Variants in KIR2DL3 observed in about 807,000 individuals in gnomAD.
The protein encoded by KIR2DL3 is killer cell immunoglobulin like receptor, two Ig domains and long cytoplasmic tail 3, also known as killer cell immunoglobulin-like receptor 2DL3.
A neutral mutation model predicts 33.8 loss-of-function variants in KIR2DL3; 39 were observed. The ratio of observed to expected loss-of-function variants is 1.15; its 90% CI spans 0.89 to 1.51. The LOEUF is 1.51. Among genes scored for constraint, KIR2DL3 ranks in the 40% most tolerant of loss-of-function variants. KIR2DL3 has a pLI of 0.00. For missense variants in KIR2DL3, 462 were observed against 426.2 expected, an observed-to-expected ratio of 1.08 and a Z score of -0.74; for synonymous variants, 174 against 160.2, an observed-to-expected ratio of 1.09 and a Z score of -0.65.
chr19:54,743,996 C>T lies in KIR2DL3; in HGVS notation c.572C>T (p.Thr191Ile). 6.2e-7 allele frequency: 1 copy of T among 1,614,220 alleles called. No individual in the cohort carries two copies. ...FQADFPLGPA[T>I]HGGTYRCFGS... ...GCCGACTTTCCTCTGGGCCCTGCCA[C>T]CCACGGAGGAACCTACAGATGCTTC... is the stretch of plus-strand genomic sequence containing the variant. The change falls in exon 4 of 8, where the codon ACC (threonine) becomes ATC (isoleucine). Residue 191 changes from threonine to isoleucine, a missense_variant. By Grantham distance (89) the Thr-to-Ile change is moderately conservative. Coordinates refer to ENST00000342376, the MANE Select transcript of KIR2DL3 (RefSeq NM_015868.3).
intron 4 of KIR2DL3, among the ~76,000 whole-genome samples, chr19:54,746,969 G>A (rs186442756): frequency 0.013 from 1,690 of 127,234 alleles, 48 homozygotes; most frequent in African/African-American, 0.037. Context: ...GTGACAGAGC[G>A]AGACTCCATC....
intron 2 of KIR2DL3, 114 bp from the exon 3 acceptor site, chr19:54,741,866 A>C (rs1280176834): frequency 7.8e-7 from 1 of 1,288,828 alleles, no homozygotes; most frequent in African/African-American, 1.5e-5. Context: ...ACATGAAGAC[A>C]CAGAGAGGAA....
rs755350925 is a variant in KIR2DL3, at chr19:54,752,269, G to T, written c.873+1G>T. ...AGGGAACAGAACAGTGAACAGGGAG[G>T]TAGGTGCTCCTCGGCCCAGCCTCGT... On this transcript the variant is annotated splice_donor_variant, in intron 7 of 7. Transcript: ENST00000342376. LOFTEE classifies it high-confidence loss of function. 1 of 1,485,372 alleles carries T rather than the reference G, an allele frequency of 6.7e-7. No homozygotes were observed. Among genetic ancestry groups the T allele is most frequent in the South Asian group, 1.2e-5 (1 of 81,326 alleles). 92.0% of individuals were successfully genotyped at this position (1,485,372 alleles called of 1,614,324 possible). A position where few individuals can be genotyped will look rare whatever the true frequency, so the allele number is the denominator to read the frequency against.
At chr19:54,749,330 G>C (rs2073078694) in intron 5 of KIR2DL3, among the ~76,000 whole-genome samples, 1 of 146,320 alleles carries the variant, frequency 6.8e-6, no homozygotes, top group Admixed American at 7.0e-5. Flanking sequence ...TTGCATAACT[G>C]GAATCTAGGA....
chr19:54,741,860 GAA>G, intron 2 of KIR2DL3, 118 bp from the exon 3 acceptor site: 1 of 1,279,246 alleles, frequency 7.8e-7, no homozygotes, highest in South Asian at 1.4e-5. Flanking sequence ...AAAAGAACAT[GAA>G]GACACAGAGA....
At chr19:54,746,194 C>G (rs1555909712) in intron 4 of KIR2DL3, among the ~76,000 whole-genome samples, 3,379 of 103,770 alleles carry the variant, frequency 0.033, 213 homozygotes, top group African/African-American at 0.063. Context: ...AAACTGAGCA[C>G]TTTTTAGTAT....
At chr19:54,749,579 G>A (rs1399612449) in intron 5 of KIR2DL3, among the ~76,000 whole-genome samples, 3 of 94,340 alleles carry the variant, frequency 3.2e-5, no homozygotes, top group Admixed American at 1.1e-4. Flanking sequence ...ATGAGTGGTG[G>A]TGGAAATGAA....
intron 4 of KIR2DL3, among the ~76,000 whole-genome samples, chr19:54,745,811 T>C (rs623801): frequency 0.15 from 16,964 of 116,174 alleles, 1,159 homozygotes; most frequent in South Asian, 0.19. Flanking sequence ...AGCCATTTTA[T>C]TTTATTTCAT....
chr19:54,751,484 G>A (rs1175949591), intron 5 of KIR2DL3, among the ~76,000 whole-genome samples, 165 bp from the exon 6 acceptor site: 1 of 132,690 alleles, frequency 7.5e-6, no homozygotes, highest in Non-Finnish European at 1.7e-5. Context: ...TGGTTACTAT[G>A]AGAGCTATAA....
At chr19:54,741,643 G>A (rs544971007) in intron 2 of KIR2DL3, among the ~76,000 whole-genome samples, 1 of 151,862 alleles carries the variant, frequency 6.6e-6, no homozygotes, top group East Asian at 1.9e-4. Flanking sequence ...GAACCAGGCT[G>A]ATAAGAGCCT....
intron 4 of KIR2DL3, among the ~76,000 whole-genome samples, chr19:54,744,969 T>C (rs933326097): frequency 1.0e-5 from 1 of 96,406 alleles, no homozygotes; most frequent in African/African-American, 3.8e-5. Context: ...TTTTTTTTTT[T>C]TTTTTTTTAC....
At chr19:54,741,657 T>C (rs1158596684) in intron 2 of KIR2DL3, among the ~76,000 whole-genome samples, 4 of 152,010 alleles carry the variant, frequency 2.6e-5, no homozygotes, top group Admixed American at 6.6e-5. Context: ...AGAGCCTGGA[T>C]GTGCAGCCTA....
rs1318269973 is a variant in KIR2DL3 at position 54,742,197 on chromosome 19, G to A, written c.288G>A (p.Gly96=). The A allele has an allele frequency of 8.1e-6, 13 of 1,613,968 alleles. No individual in the cohort carries two copies. The highest frequency in any genetic ancestry group is 1.6e-4 in the Middle Eastern group (1 of 6,082). ...GTCCCATGATGCAAGACCTTGCAGG[G>A]ACCTACAGATGCTACGGTTCTGTTA... ...SIGPMMQDLA[G]TYRCYGSVTH... The change falls in exon 3 of 8, where the codon GGG becomes GGA. Residue 96 remains glycine (G), a synonymous_variant. Transcript: ENST00000342376.
chr19:54,742,751 A>G (rs2147047814), intron 3 of KIR2DL3, among the ~76,000 whole-genome samples: 1 of 151,328 alleles, frequency 6.6e-6, no homozygotes, highest in African/African-American at 2.4e-5. Flanking sequence ...TGTAATGGAG[A>G]GTAATCGTCC....
intron 5 of KIR2DL3, among the ~76,000 whole-genome samples, chr19:54,747,860 T>G (rs956174342): frequency 1.3e-5 from 2 of 152,214 alleles, no homozygotes; most frequent in Non-Finnish European, 2.9e-5. Flanking sequence ...GCACGCACAC[T>G]TCGACTCACT....
rs897988266 is a variant in KIR2DL3, at chr19:54,750,647, T to A, written c.716-1002T>A. On this transcript the variant is annotated intron_variant, in intron 5 of 7. Coordinates refer to ENST00000342376, the MANE Select transcript of KIR2DL3 (RefSeq NM_015868.3). Reference sequence around the variant, plus strand: ...CTTCCCAGAGAAGACTCTAAATACCTCCTGGACTGCACCTGGGCTTATGCC... The same window carrying A: ...CTTCCCAGAGAAGACTCTAAATACCACCTGGACTGCACCTGGGCTTATGCC... Among the ~76,000 whole-genome samples the A allele has an allele frequency of 5.1e-5, 7 of 136,940 alleles. 1 individual carries two copies. The highest frequency in any genetic ancestry group is 9.6e-5 in the Non-Finnish European group (6 of 62,294). 89.8% of individuals were successfully genotyped at this position (136,940 alleles called of 152,430 possible).
At chr19:54,740,545 G>C (rs570604550) in intron 2 of KIR2DL3, among the ~76,000 whole-genome samples, 1 of 151,512 alleles carries the variant, frequency 6.6e-6, no homozygotes, top group Non-Finnish European at 1.5e-5. Context: ...GGTGATCGTG[G>C]TCATAGGTCA....
chr19:54,752,293 G>T lies in KIR2DL3; in HGVS notation c.873+25G>T, dbSNP rs372587690. 115 of 1,461,902 alleles carry T rather than the reference G, an allele frequency of 7.9e-5. 24 individuals are homozygous for T. Among genetic ancestry groups the T allele is most frequent in the Non-Finnish European group, 1.1e-4 (113 of 1,074,706 alleles). 90.6% of individuals were successfully genotyped at this position (1,461,902 alleles called of 1,614,324 possible). On this transcript the variant is annotated intron_variant, in intron 7 of 7. Transcript: ENST00000342376. ...GGTAGGTGCTCCTCGGCCCAGCCTC[G>T]TGGCTAGTGTTATTCCCAAAGAGTC...
At chr19:54,744,671 C>T (rs201571957) in intron 4 of KIR2DL3, among the ~76,000 whole-genome samples, 17,083 of 143,514 alleles carry the variant, frequency 0.12, 9 homozygotes, top group South Asian at 0.18. Flanking sequence ...GTGCTACAGG[C>T]GCGCACCACC....
Sources: allele counts gnomAD v4.1 joint callset (sites outside exome capture counted in the v4.1 genomes callset), GRCh38; gene constraint gnomAD v4.1.1; transcripts MANE v1.5; gene names NCBI Gene and HGNC (gene_info 2026-07-23, HGNC 2026-07-21).